BMPR1B: variants seen among roughly 807,000 people sequenced by gnomAD.
The protein encoded by BMPR1B is bone morphogenetic protein receptor type-1B.
A neutral mutation model predicts 59.1 loss-of-function variants in BMPR1B; 12 were observed. The ratio of observed to expected loss-of-function variants is 0.20; its 90% CI spans 0.13 to 0.33. The LOEUF is 0.33. Ranked by LOEUF, BMPR1B falls within the 10% of genes least tolerant of loss-of-function variation. BMPR1B has a pLI of 1.00. For synonymous variants in BMPR1B, 237 were observed against 207.3 expected (o/e 1.14, Z -1.23); for missense variants, 550 against 610.9 (o/e 0.90, Z 1.05).
At chr4:95,032,555 A>G (rs1186820846) in intron 3 of BMPR1B, among the ~76,000 whole-genome samples, 1 of 152,136 alleles carries the variant, frequency 6.6e-6, no homozygotes, top group African/African-American at 2.4e-5. Context: ...CCTGGCAACA[A>G]CCATTCTACT....
chr4:94,950,300 C>T (rs1299416381), intron 2 of BMPR1B, among the ~76,000 whole-genome samples: 1 of 152,048 alleles, frequency 6.6e-6, no homozygotes, highest in Non-Finnish European at 1.5e-5. Flanking sequence ...AATTAGATCC[C>T]ATTTGTCAAT....
chr4:94,989,382 C>T (rs1487427877), intron 2 of BMPR1B, among the ~76,000 whole-genome samples: 5 of 86,648 alleles, frequency 5.8e-5, no homozygotes, highest in African/African-American at 2.2e-4. Flanking sequence ...AGCGAGACTC[C>T]GTCTAAAAAA....
chr4:95,131,273 A>C lies in BMPR1B; in HGVS notation c.837A>C (p.Thr279=). The C allele has an allele frequency of 1.2e-6, 2 of 1,613,974 alleles. No individual in the cohort carries two copies. Among genetic ancestry groups the C allele is most frequent in the African/African-American group, 1.3e-5 (1 of 75,042 alleles). The change falls in exon 10 of 13, where the codon ACA becomes ACC. Residue 279 remains threonine (T), a synonymous_variant. Transcript: ENST00000515059. The part of the protein sequence containing the change: ...TGSWTQLYLI[T]DYHENGSLYD... ...CCTGGACCCAGTTGTACCTAATCAC[A>C]GACTATCATGAAAATGGTTCCCTTT...
chr4:94,961,901 T>C (rs1730367795), intron 2 of BMPR1B, among the ~76,000 whole-genome samples: 2 of 152,226 alleles, frequency 1.3e-5, no homozygotes, highest in African/African-American at 4.8e-5. Context: ...GTAATTGAGA[T>C]ATCCATCACC....
intron 2 of BMPR1B, among the ~76,000 whole-genome samples, chr4:94,893,752 G>C (rs1267211887): frequency 6.6e-6 from 1 of 151,028 alleles, no homozygotes; most frequent in Non-Finnish European, 1.5e-5. Flanking sequence ...CCAGTAGAAG[G>C]CAAAATGTAA....
intron 1 of BMPR1B, among the ~76,000 whole-genome samples, chr4:94,837,345 T>C (rs1390612474): frequency 6.8e-6 from 1 of 147,310 alleles, no homozygotes; most frequent in African/African-American, 2.5e-5. Flanking sequence ...GTAAATTACC[T>C]TGGGCAGTAT....
intron 3 of BMPR1B, among the ~76,000 whole-genome samples, chr4:95,062,255 T>C (rs549677027): frequency 2.6e-5 from 4 of 152,292 alleles, no homozygotes; most frequent in African/African-American, 9.6e-5. Context: ...AGAATAAATG[T>C]CAGTGTATGA....
At chr4:95,113,238 C>T (rs1412188608) in intron 4 of BMPR1B, among the ~76,000 whole-genome samples, 1 of 152,114 alleles carries the variant, frequency 6.6e-6, no homozygotes, top group Non-Finnish European at 1.5e-5. Flanking sequence ...CAGAGACAGT[C>T]TTTCTTCCAC....
At chr4:94,871,295 A>G (rs887248037) in intron 1 of BMPR1B, among the ~76,000 whole-genome samples, 2 of 152,194 alleles carry the variant, frequency 1.3e-5, no homozygotes, top group African/African-American at 4.8e-5. Flanking sequence ...TCCTTTGTAA[A>G]GTAAGATATT....
intron 2 of BMPR1B, among the ~76,000 whole-genome samples, chr4:94,897,048 CATATGTAA>C (rs1287816018): frequency 6.6e-6 from 1 of 152,014 alleles, no homozygotes; most frequent in Non-Finnish European, 1.5e-5. Context: ...ACAGGCTTTG[CATATGTAA>C]ATATCCGCCA....
intron 2 of BMPR1B, among the ~76,000 whole-genome samples, chr4:94,958,609 C>T (rs1730244019): frequency 6.6e-6 from 1 of 152,184 alleles, no homozygotes; most frequent in Non-Finnish European, 1.5e-5. Flanking sequence ...CTTGTTTTAA[C>T]ATAATTACCT....
intron 1 of BMPR1B, among the ~76,000 whole-genome samples, chr4:94,801,059 C>A (rs961670284): frequency 3.3e-5 from 5 of 152,134 alleles, no homozygotes; most frequent in Non-Finnish European, 5.9e-5. Flanking sequence ...AGACCTAGAC[C>A]TAGAGCAGAG....
At chr4:95,097,015 TTA>T (rs1286393155) in intron 3 of BMPR1B, among the ~76,000 whole-genome samples, 2 of 145,062 alleles carry the variant, frequency 1.4e-5, no homozygotes. Context: ...AAATTGTATA[TTA>T]TATATAGTTT....
intron 4 of BMPR1B, among the ~76,000 whole-genome samples, chr4:95,114,037 C>T (rs1731821704): frequency 6.6e-6 from 1 of 152,046 alleles, no homozygotes; most frequent in African/African-American, 2.4e-5. Flanking sequence ...CTTTACCCCA[C>T]CCCCAAATGA....
intron 2 of BMPR1B, among the ~76,000 whole-genome samples, chr4:94,883,190 G>T (rs1314268330): frequency 6.6e-6 from 1 of 152,084 alleles, no homozygotes; most frequent in Non-Finnish European, 1.5e-5. Context: ...TTCTAGTCCA[G>T]AGCTGTTTGT....
intron 4 of BMPR1B, among the ~76,000 whole-genome samples, chr4:95,111,637 G>A (rs1361552707): frequency 2.0e-5 from 3 of 151,912 alleles, no homozygotes; most frequent in East Asian, 1.9e-4. Flanking sequence ...AAAGAGTATC[G>A]CTTGGTCCCT....
intron 2 of BMPR1B, among the ~76,000 whole-genome samples, chr4:94,898,619 G>A (rs180729765): frequency 2.2e-3 from 337 of 152,174 alleles, no homozygotes; most frequent in African/African-American, 7.6e-3. Context: ...TCCCAGCAAT[G>A]TGGAACTGTG....
chr4:94,885,938 T>C (rs1328621923), intron 2 of BMPR1B, among the ~76,000 whole-genome samples: 1 of 152,086 alleles, frequency 6.6e-6, no homozygotes, highest in Non-Finnish European at 1.5e-5. Flanking sequence ...GGAAGGTTAG[T>C]AAATGTGGAA....
intron 1 of BMPR1B, among the ~76,000 whole-genome samples, chr4:94,867,909 TG>T (rs1331617393): frequency 6.6e-6 from 1 of 152,164 alleles, no homozygotes; most frequent in Non-Finnish European, 1.5e-5. Context: ...TGGAATGCAG[TG>T]GTGCAGTCAC....
Sources: allele counts gnomAD v4.1 joint callset (sites outside exome capture counted in the v4.1 genomes callset), GRCh38; gene constraint gnomAD v4.1.1; transcripts MANE v1.5; gene names NCBI Gene and HGNC (gene_info 2026-07-23, HGNC 2026-07-21).